The following CUL3 variants were observed in gnomAD, a reference collection of about 807,000 sequenced individuals.
The protein encoded by CUL3 is cullin-3.
Under a neutral mutation model 89.1 loss-of-function variants are expected in CUL3, and 19 were observed. The observed-to-expected ratio is 0.21, with a 90% CI of 0.15 to 0.31. The LOEUF (loss-of-function observed/expected upper bound fraction) is 0.31. Ranked by LOEUF, CUL3 falls within the 10% of genes least tolerant of loss-of-function variation. The pLI, the probability that CUL3 is intolerant of heterozygous loss-of-function variation, is 1.00. For missense variants in CUL3, 469 were observed against 942.3 expected (o/e 0.50, Z 6.58); for synonymous variants, 351 against 308.4 (o/e 1.14, Z -1.45).
At chr2:224,535,049 T>TAAAC (rs1693835360) in intron 3 of CUL3, among the ~76,000 whole-genome samples, 1 of 124,560 alleles carries the variant, frequency 8.0e-6, no homozygotes, top group Non-Finnish European at 1.8e-5. Context: ...AATAAATAAA[T>TAAAC]AAATAAATAA....
chr2:224,565,550 T>C (rs2106315903), intron 1 of CUL3, among the ~76,000 whole-genome samples: 1 of 152,372 alleles, frequency 6.6e-6, no homozygotes, highest in South Asian at 2.1e-4. Context: ...ACTGTTTGTT[T>C]TAAGTTTCAG....
intron 13 of CUL3, among the ~76,000 whole-genome samples, chr2:224,494,771 T>C (rs1047013543): frequency 1.3e-5 from 2 of 152,160 alleles, no homozygotes; most frequent in African/African-American, 4.8e-5. Flanking sequence ...TAGACATACA[T>C]GTAAAAGCTA....
Position 224,503,802 on chromosome 2 carries a change from T to A in CUL3, c.1227A>T (p.Glu409Asp), listed in dbSNP as rs2106197563. Residue 409 changes from glutamate (E) to aspartate (D), a missense_variant, in exon 9 of 16, where the codon GAA becomes GAT. Physicochemically the swap from Glu to Asp is conservative, Grantham distance 45. This residue lies in a region of CUL3 where 370 missense variants were observed against 733.2 expected (regional missense o/e 0.50). Transcript: ENST00000264414. ...GGACCATTGCTTTATCCAATATTGT[T>A]TCTACTTCTTGTTCTGTTAGCTGCA... ...GVKGLTEQEV[E>D]TILDKAMVLF... is the part of the protein sequence containing the mutation. 1 of 1,568,298 alleles carries A rather than the reference T, an allele frequency of 6.4e-7. No individual in the cohort carries two copies. Among genetic ancestry groups the A allele is most frequent in the South Asian group, 1.2e-5 (1 of 83,078 alleles).
At chr2:224,504,528 T>C (rs1037714592) in intron 8 of CUL3, among the ~76,000 whole-genome samples, 1 of 152,176 alleles carries the variant, frequency 6.6e-6, no homozygotes, top group Admixed American at 6.5e-5. Context: ...AGGCTGGTCT[T>C]GAACTCCCAA....
At chr2:224,475,297 G>A (rs1691274693) in intron 15 of CUL3, among the ~76,000 whole-genome samples, 1 of 152,202 alleles carries the variant, frequency 6.6e-6, no homozygotes, top group Non-Finnish European at 1.5e-5. Context: ...GATTACAGGC[G>A]TGAGCCACCG....
At position 224,490,699 on chromosome 2, in the gene CUL3, A is replaced by G. The variant is rs752418324; in HGVS notation, c.1842+5133T>C. Among the ~76,000 whole-genome samples the G allele has an allele frequency of 4.9e-4, 55 of 112,030 alleles. No individual in the cohort carries two copies. The South Asian group carries it at 6.1e-3, about 13-fold the overall frequency. 73.5% of individuals were successfully genotyped at this position (112,030 alleles called of 152,430 possible). On this transcript the variant is annotated intron_variant, in intron 13 of 15. Coordinates refer to ENST00000264414, the MANE Select transcript of CUL3 (RefSeq NM_003590.5). ...CTTACACGTTCTGCACATACATCCC[A>G]GAGCTTTAAAGAAAAAAAAAAAAAA...
chr2:224,552,027 A>G (rs867930353), intron 2 of CUL3, among the ~76,000 whole-genome samples: 16 of 152,176 alleles, frequency 1.1e-4, no homozygotes, highest in South Asian at 2.1e-4. Context: ...TATCTGTTTC[A>G]TAAGTGCAGG....
At chr2:224,549,670 GC>G (rs1694436880) in intron 2 of CUL3, among the ~76,000 whole-genome samples, 1 of 152,104 alleles carries the variant, frequency 6.6e-6, no homozygotes, top group Admixed American at 6.5e-5. Flanking sequence ...AGAAGAAAAG[GC>G]AAGTCCTTTG....
chr2:224,479,501 G>T (rs1691450495), intron 14 of CUL3: 2 of 152,108 alleles, frequency 1.3e-5, no homozygotes, highest in South Asian at 4.1e-4. Flanking sequence ...AATGTAATGT[G>T]GAAATCTTGA....
At chr2:224,494,398 AT>A (rs1260212412) in intron 13 of CUL3, among the ~76,000 whole-genome samples, 1 of 152,186 alleles carries the variant, frequency 6.6e-6, no homozygotes, top group Middle Eastern at 3.2e-3. Context: ...GACTAATTGG[AT>A]TTAATGTAAT....
intron 13 of CUL3, among the ~76,000 whole-genome samples, chr2:224,490,954 A>G (rs1301023251): frequency 1.3e-5 from 2 of 152,166 alleles, no homozygotes; most frequent in Non-Finnish European, 2.9e-5. Context: ...TATCTCACGT[A>G]TCCCATAAAT....
chr2:224,543,908 C>T (rs1489287385), intron 2 of CUL3, among the ~76,000 whole-genome samples: 1 of 152,014 alleles, frequency 6.6e-6, no homozygotes, highest in Non-Finnish European at 1.5e-5. Context: ...TCACTTAAGC[C>T]CAGGAGGTGG....
intron 15 of CUL3, among the ~76,000 whole-genome samples, chr2:224,476,339 C>A (rs1691320882): frequency 1.3e-5 from 2 of 152,170 alleles, no homozygotes; most frequent in Admixed American, 6.5e-5. Context: ...TTATCTATAG[C>A]TGCTTTCATG....
rs191812979 is a variant in CUL3, at chr2:224,551,792, C to T, written c.264+5867G>A. 4.9e-3 allele frequency among the ~76,000 whole-genome samples: 752 copies of T among 152,270 alleles called. 7 individuals carry two copies. The highest frequency in any genetic ancestry group is 5.0e-3 in the Non-Finnish European group (341 of 68,022). Reference sequence around the variant, plus strand: ...TCAGAAAAACAAAAATACTGACTATCTGGTCCTTTACAGAAAAAAATATTG... The same window carrying T: ...TCAGAAAAACAAAAATACTGACTATTTGGTCCTTTACAGAAAAAAATATTG... On this transcript the variant is annotated intron_variant, in intron 2 of 15. Coordinates refer to ENST00000264414, the MANE Select transcript of CUL3 (RefSeq NM_003590.5).
At chr2:224,546,391 G>A (rs1694300378) in intron 2 of CUL3, among the ~76,000 whole-genome samples, 1 of 151,988 alleles carries the variant, frequency 6.6e-6, no homozygotes, top group Admixed American at 6.6e-5. Flanking sequence ...ATAATCACCT[G>A]TGTTTTTAAA....
chr2:224,535,686 A>C (rs1399656985), intron 2 of CUL3, 45 bp from the exon 3 acceptor site: 1 of 1,096,106 alleles, frequency 9.1e-7, no homozygotes. Context: ...ACATCCACAC[A>C]CTCGTATATA....
At chr2:224,515,575 A>G (rs532641004) in intron 3 of CUL3, among the ~76,000 whole-genome samples, 9 of 152,208 alleles carry the variant, frequency 5.9e-5, no homozygotes, top group African/African-American at 1.4e-4. Flanking sequence ...AAGAAAGCCC[A>G]TATCTTTCAC....
intron 1 of CUL3, among the ~76,000 whole-genome samples, chr2:224,583,129 A>G (rs1695481556): frequency 6.6e-6 from 1 of 152,228 alleles, no homozygotes; most frequent in Non-Finnish European, 1.5e-5. Flanking sequence ...CTGTAATCCC[A>G]GCACTTTGGG....
intron 13 of CUL3, among the ~76,000 whole-genome samples, chr2:224,490,935 G>C (rs1691947755): frequency 6.6e-6 from 1 of 151,962 alleles, no homozygotes; most frequent in African/African-American, 2.4e-5. Flanking sequence ...CTATATGCTT[G>C]TATCAAGATA....
Sources: allele counts gnomAD v4.1 joint callset (sites outside exome capture counted in the v4.1 genomes callset), GRCh38; gene constraint gnomAD v4.1.1; regional missense constraint gnomAD v4.1.1; transcripts MANE v1.5; gene names NCBI Gene and HGNC (gene_info 2026-07-23, HGNC 2026-07-21).